Variants in GIGYF2 observed in about 807,000 individuals in gnomAD.
The protein encoded by GIGYF2 is GRB10 interacting GYF protein 2.
Under a neutral mutation model 208.1 loss-of-function variants are expected in GIGYF2, and 25 were observed. The observed-to-expected ratio is 0.12, with a 90% CI of 0.09 to 0.17. GIGYF2 has a LOEUF of 0.17. Among genes scored for constraint, GIGYF2 ranks in the 10% least tolerant of loss-of-function variants. GIGYF2 has a pLI of 1.00. For missense variants in GIGYF2, 1,302 were observed against 1,579.4 expected (o/e 0.82, Z 2.98); for synonymous variants, 534 against 543.8 (o/e 0.98, Z 0.25).
At chr2:232,786,516 C>T (rs376241706) in intron 8 of GIGYF2, among the ~76,000 whole-genome samples, 5 of 152,170 alleles carry the variant, frequency 3.3e-5, no homozygotes, top group South Asian at 2.1e-4. Flanking sequence ...GGATTATAGG[C>T]GTGAGCCACC....
rs370317126 is a variant in GIGYF2, at chr2:232,749,099, G to C, written c.267+17G>C. The C allele has an allele frequency of 2.2e-4, 271 of 1,221,836 alleles. No homozygotes were observed. The highest frequency in any genetic ancestry group is 3.2e-4 in the Non-Finnish European group (260 of 821,564). The allele number at this position is 1,221,836 out of a possible 1,614,324, so 75.7% of individuals were successfully genotyped here. On this transcript the variant is annotated intron_variant, in intron 5 of 28. Coordinates refer to ENST00000373563, the MANE Select transcript of GIGYF2 (RefSeq NM_001103146.3). ...GAAGAACAGGTTTGTGATTAGCTCT[G>C]AGCCCCAGCAAACTCTTATTCTTTT...
intron 1 of GIGYF2, among the ~76,000 whole-genome samples, chr2:232,702,037 C>A (rs530770133): frequency 6.6e-6 from 1 of 151,996 alleles, no homozygotes; most frequent in Non-Finnish European, 1.5e-5. Flanking sequence ...TGGTGGTGCA[C>A]GCCTGTAGTC....
chr2:232,767,917 C>A, intron 8 of GIGYF2: 3 of 419,860 alleles, frequency 7.1e-6, no homozygotes, highest in East Asian at 5.0e-5. Context: ...AGTATCATAC[C>A]ACATTCTTAT....
chr2:232,705,968 G>C (rs749000092), intron 2 of GIGYF2: 1 of 151,432 alleles, frequency 6.6e-6, no homozygotes, highest in Admixed American at 6.6e-5. Context: ...GCTTCCCAAA[G>C]TGCTGGGATT....
At chr2:232,706,230 T>C (rs551114951) in intron 2 of GIGYF2, among the ~76,000 whole-genome samples, 3 of 152,364 alleles carry the variant, frequency 2.0e-5, no homozygotes, top group Non-Finnish European at 4.4e-5. Flanking sequence ...TGTAGCTGAA[T>C]TCATTTTTAA....
chr2:232,704,757 T>TA (rs1696008590), intron 2 of GIGYF2, among the ~76,000 whole-genome samples: 1 of 151,526 alleles, frequency 6.6e-6, no homozygotes. Context: ...AGTGGCTGGG[T>TA]AAAGGTTTAG....
intron 14 of GIGYF2, among the ~76,000 whole-genome samples, chr2:232,798,770 G>T (rs1213014776): frequency 6.7e-6 from 1 of 149,548 alleles, no homozygotes; most frequent in Admixed American, 6.6e-5. Context: ...TGTCCTAATT[G>T]GATTGTTTGC....
chr2:232,723,436 T>C (rs1432466527), intron 2 of GIGYF2, among the ~76,000 whole-genome samples: 1 of 149,182 alleles, frequency 6.7e-6, no homozygotes, highest in African/African-American at 2.4e-5. Flanking sequence ...TCTTTTCTTT[T>C]TTTTTTTTTT....
rs1250989878 is a variant in GIGYF2, at chr2:232,748,850, T to C, written c.172-137T>C. The C allele has an allele frequency of 2.1e-5, 14 of 666,988 alleles. No homozygotes were observed. The East Asian group carries it at 3.9e-4, about 19-fold the overall frequency. The allele number at this position is 666,988 out of a possible 1,614,324, so 41.3% of individuals were successfully genotyped here. On this transcript the variant is annotated intron_variant, in intron 4 of 28. Transcript: ENST00000373563. Reference sequence around the variant, plus strand: ...GTATAAGGACTATAGAAGTCAATTATGGCTGAATAAGCATTAATCTGTATT... The same window carrying C: ...GTATAAGGACTATAGAAGTCAATTACGGCTGAATAAGCATTAATCTGTATT...
intron 6 of GIGYF2, 96 bp from the exon 7 acceptor site, chr2:232,760,384 G>A: frequency 1.2e-6 from 1 of 810,060 alleles, no homozygotes; most frequent in Non-Finnish European, 2.1e-6. Context: ...GTCCTGCCTT[G>A]TATAGAGATA....
Position 232,844,463 on chromosome 2 carries a change from T to C in GIGYF2, c.3194T>C (p.Ile1065Thr). Residue 1065 changes from isoleucine to threonine, a missense_variant, in exon 25 of 29, where the codon ATT becomes ACT. This residue lies in a region of GIGYF2 where 701 missense variants were observed against 793.0 expected (regional missense o/e 0.88). Transcript: ENST00000373563. ...TGGGCATCTGACCTAGTCAGTAGTA[T>C]TTGGAGTAATGCTGACACTAAAAAC... ...NQWASDLVSSIWSNADTKNSN... is the reference protein window; with the variant it reads ...NQWASDLVSSTWSNADTKNSN... 1.2e-6 allele frequency: 2 copies of C among 1,610,994 alleles called. No individual in the cohort carries two copies. The highest frequency in any genetic ancestry group is 1.7e-6 in the Non-Finnish European group (2 of 1,177,118).
intron 2 of GIGYF2, chr2:232,729,396 G>C: frequency 2.5e-6 from 1 of 404,164 alleles, no homozygotes. Flanking sequence ...AGAATGAGCA[G>C]AACACTGTTC....
At position 232,793,064 on chromosome 2, in the gene GIGYF2, T is replaced by C. The variant is rs534219810; in HGVS notation, c.1282+1618T>C. ...AATAAGTAGAATTTGGAGGTAAGTG[T>C]AGATAGATGAATTGGGAGAAGGCAT... On this transcript the variant is annotated intron_variant, in intron 12 of 28. Coordinates refer to ENST00000373563, the MANE Select transcript of GIGYF2 (RefSeq NM_001103146.3). Among the ~76,000 whole-genome samples, 9 of 152,192 alleles carry C rather than the reference T, an allele frequency of 5.9e-5. No individual in the cohort carries two copies. The South Asian group carries it at 1.9e-3, about 32-fold the overall frequency.
chr2:232,746,790 CGTT>C (rs764103421), intron 3 of GIGYF2, among the ~76,000 whole-genome samples: 2 of 152,008 alleles, frequency 1.3e-5, no homozygotes. Context: ...TTATTAAAAA[CGTT>C]GTGAAATATT....
chr2:232,727,776 T>C (rs181361961), intron 2 of GIGYF2, among the ~76,000 whole-genome samples: 15 of 152,318 alleles, frequency 9.8e-5, no homozygotes, highest in African/African-American at 3.4e-4. Flanking sequence ...ATTGTAACTC[T>C]GTGGATTCAC....
At chr2:232,767,773 C>T (rs1208604659) in intron 8 of GIGYF2, 4 of 221,066 alleles carry the variant, frequency 1.8e-5, no homozygotes, top group Non-Finnish European at 3.6e-5. Context: ...ATAGTGAAGT[C>T]GTCATTCCAC....
At chr2:232,837,041 T>C (rs1302904530) in intron 22 of GIGYF2, among the ~76,000 whole-genome samples, 1 of 152,230 alleles carries the variant, frequency 6.6e-6, no homozygotes, top group Non-Finnish European at 1.5e-5. Context: ...GGCTTGCCTC[T>C]CCTGATGGCT....
Position 232,722,841 on chromosome 2 carries a change from A to C in GIGYF2, c.-43-12314A>C, listed in dbSNP as rs138467048. The stretch of plus-strand genomic sequence containing the variant: ...CTAGCATAGAACACAGCAGCTATCA[A>C]TTTCTTTAGTTTCCTCAAACCCTAC... On this transcript the variant is annotated intron_variant, in intron 2 of 28. Transcript: ENST00000373563. 5.3e-5 allele frequency among the ~76,000 whole-genome samples: 8 copies of C among 152,300 alleles called. No homozygotes were observed. In the East Asian group the frequency reaches 1.5e-3, roughly 29 times the overall value.
At chr2:232,758,717 G>A (rs1379193475) in intron 6 of GIGYF2, among the ~76,000 whole-genome samples, 1 of 152,096 alleles carries the variant, frequency 6.6e-6, no homozygotes, top group Admixed American at 6.5e-5. Flanking sequence ...GTAAGCTGGA[G>A]GCTATTTTTT....
Sources: allele counts gnomAD v4.1 joint callset (sites outside exome capture counted in the v4.1 genomes callset), GRCh38; gene constraint gnomAD v4.1.1; regional missense constraint gnomAD v4.1.1; transcripts MANE v1.5; gene names NCBI Gene and HGNC (gene_info 2026-07-23, HGNC 2026-07-21).